SDHA: variants seen among roughly 807,000 people sequenced by gnomAD.
SDHA encodes succinate dehydrogenase complex flavoprotein subunit A, also known as succinate dehydrogenase [ubiquinone] flavoprotein subunit, mitochondrial.
A neutral mutation model predicts 78.4 loss-of-function variants in SDHA; 48 were observed. The ratio of observed to expected loss-of-function variants is 0.61; its 90% CI spans 0.49 to 0.78. The LOEUF is 0.78. Ranked by LOEUF, SDHA falls within the 30% of genes least tolerant of loss-of-function variation. The pLI is 0.00. For synonymous variants in SDHA, 326 were observed against 353.9 expected (o/e 0.92, Z 0.88); for missense variants, 680 against 892.7 (o/e 0.76, Z 3.04).
At chr5:243,961 G>C (rs1449049075) in intron 11 of SDHA, among the ~76,000 whole-genome samples, 1 of 152,210 alleles carries the variant, frequency 6.6e-6, no homozygotes, top group South Asian at 2.1e-4. Flanking sequence ...ATCAGTGAGT[G>C]AGGGTGCCAG....
In SDHA at chr5:225,983, C is replaced by T. The variant is rs2126550013; in HGVS notation, c.557C>T (p.Ala186Val). 1 of 1,614,082 alleles carries T rather than the reference C, an allele frequency of 6.2e-7. No homozygotes were observed. The highest frequency in any genetic ancestry group is 1.7e-5 in the Admixed American group (1 of 60,020). ...QSLKFGKGGQAHRCCCVADRT... is the reference protein window; with the variant it reads ...QSLKFGKGGQVHRCCCVADRT... ...CTCAAGTTTGGAAAGGGCGGGCAGG[C>T]CCATCGGTGCTGCTGTGTGGCTGAT... Residue 186 changes from alanine (A) to valine (V), a missense_variant, in exon 5 of 15, where the codon GCC becomes GTC. By Grantham distance (64) the Ala-to-Val change is moderately conservative. Coordinates refer to ENST00000264932, the MANE Select transcript of SDHA (RefSeq NM_004168.4).
At chr5:257,531 A>G (rs1445749490), downstream of SDHA, among the ~76,000 whole-genome samples, 6 of 130,744 alleles carry the variant, frequency 4.6e-5, 1 homozygote, top group Non-Finnish European at 9.6e-5. Context: ...TTGGAGCATT[A>G]CTGTGTGAGC....
At chr5:223,809 C>G (rs1336025063) in intron 2 of SDHA, among the ~76,000 whole-genome samples, 2 of 151,740 alleles carry the variant, frequency 1.3e-5, no homozygotes, top group Non-Finnish European at 2.9e-5. Flanking sequence ...AAATTTAGAT[C>G]AAGTAAAGCA....
At chr5:220,661 A>G (rs1734660554) in intron 1 of SDHA, among the ~76,000 whole-genome samples, 1 of 152,034 alleles carries the variant, frequency 6.6e-6, no homozygotes, top group Non-Finnish European at 1.5e-5. Context: ...GGGCAAGTCC[A>G]GGATCCAGAG....
intron 10 of SDHA, among the ~76,000 whole-genome samples, chr5:239,678 G>A (rs779510627): frequency 7.6e-4 from 116 of 152,212 alleles, no homozygotes; most frequent in Non-Finnish European, 1.4e-3. Flanking sequence ...AAGGGTGGCC[G>A]GCCCCTTGGG....
In SDHA at chr5:256,793, G is replaced by A; in HGVS notation, c.*373G>A. 1 of 268,664 alleles carries A rather than the reference G, an allele frequency of 3.7e-6. No homozygotes were observed. The highest frequency in any genetic ancestry group is 7.1e-6 in the Non-Finnish European group (1 of 140,300). The allele number at this position is 268,664 out of a possible 1,614,324, so 16.6% of individuals were successfully genotyped here. On this transcript the variant is annotated 3_prime_UTR_variant, in exon 15 of 15. Coordinates refer to ENST00000264932, the MANE Select transcript of SDHA (RefSeq NM_004168.4). ...TTGTATTGTGTTACATCAAAATCCA[G>A]ATATTTTGTATAGTTTCTTTTTTCT...
intron 10 of SDHA, among the ~76,000 whole-genome samples, chr5:237,208 A>G (rs1183373648): frequency 7.4e-6 from 1 of 135,266 alleles, no homozygotes; most frequent in Non-Finnish European, 1.5e-5. Flanking sequence ...TAGGGGAATC[A>G]TTACATATTA....
downstream of SDHA, among the ~76,000 whole-genome samples, chr5:260,354 C>A (rs1456568473): frequency 1.3e-4 from 1 of 7,562 alleles, no homozygotes; most frequent in Admixed American, 8.6e-4. Flanking sequence ...ACCGTGTGAG[C>A]TCCGCCTCCC....
chr5:266,671 G>C, the SDHA span, among the ~76,000 whole-genome samples: 3 of 152,188 alleles, frequency 2.0e-5, no homozygotes, highest in South Asian at 6.2e-4. Flanking sequence ...ATATTGCCCA[G>C]AGAGGAGATG....
At position 248,993 on chromosome 5, in the gene SDHA, G is replaced by C. The variant is rs185931346; in HGVS notation, c.1552-1999G>C. On this transcript the variant is annotated intron_variant, in intron 11 of 14. Transcript: ENST00000264932. ...ATAGCTCTTAATAAGATCAAAATTT[G>C]GGAAAGAATAAAAAAGCATCTAGAA... 2.1e-5 allele frequency: 8 copies of C among 389,214 alleles called. No homozygotes were observed. In the Admixed American group the frequency reaches 2.2e-4, roughly 11 times the overall value. 24.1% of individuals were successfully genotyped at this position (389,214 alleles called of 1,614,324 possible).
chr5:236,835 A>G (rs538135623), intron 10 of SDHA, among the ~76,000 whole-genome samples: 10 of 151,894 alleles, frequency 6.6e-5, no homozygotes, highest in African/African-American at 2.4e-4. Context: ...TTTATTTTGT[A>G]GAGACAGGGT....
In SDHA at chr5:228,224, G is replaced by C; in HGVS notation, c.661G>C (p.Ala221Pro). ...TACCAGCTATTTTGTGGAGTATTTT[G>C]CCTTGGATCTCCTGATGGAGAATGG... The part of the protein sequence containing the change: ...YDTSYFVEYF[A>P]LDLLMENGEC... The change falls in exon 6 of 15, where the codon GCC becomes CCC. Residue 221 changes from alanine (A) to proline (P), a missense_variant. Coordinates refer to ENST00000264932, the MANE Select transcript of SDHA (RefSeq NM_004168.4). 1 of 1,613,368 alleles carries C rather than the reference G, an allele frequency of 6.2e-7. No homozygotes were observed. The highest frequency in any genetic ancestry group is 8.5e-7 in the Non-Finnish European group (1 of 1,179,740).
intron 9 of SDHA, 45 bp from the exon 10 acceptor site, chr5:236,383 G>C (rs776033086): frequency 4.4e-6 from 7 of 1,598,342 alleles, no homozygotes; most frequent in Non-Finnish European, 5.1e-6. Context: ...GGCTGGTGGA[G>C]GCATGGGCAC....
chr5:223,163 A>T (rs1734813966), intron 1 of SDHA, among the ~76,000 whole-genome samples: 1 of 152,250 alleles, frequency 6.6e-6, no homozygotes, highest in Non-Finnish European at 1.5e-5. Flanking sequence ...TAAGTAGCAT[A>T]CATTAAGACT....
At chr5:254,040 CAAA>C (rs1164355772) in intron 13 of SDHA, among the ~76,000 whole-genome samples, 1 of 147,678 alleles carries the variant, frequency 6.8e-6, no homozygotes, top group Non-Finnish European at 1.5e-5. Flanking sequence ...GACCCTGTCT[CAAA>C]AAAAAAATTT....
intron 6 of SDHA, among the ~76,000 whole-genome samples, chr5:228,910 C>CTACTAAACCCTACTAAAAAACA: frequency 6.6e-6 from 1 of 151,756 alleles, no homozygotes; most frequent in East Asian, 1.9e-4. Flanking sequence ...TAAAAACAAC[C>CTACTAAACCCTACTAAAAAACA]TACTAAACCC....
At chr5:230,196 T>C (rs987150616) in intron 6 of SDHA, among the ~76,000 whole-genome samples, 1 of 137,990 alleles carries the variant, frequency 7.2e-6, no homozygotes, top group African/African-American at 3.4e-5. Context: ...ACCATAAATA[T>C]ATAGTTTTTT....
chr5:240,975 G>T (rs983117066), intron 11 of SDHA, among the ~76,000 whole-genome samples: 1 of 151,914 alleles, frequency 6.6e-6, no homozygotes, highest in Admixed American at 6.5e-5. Context: ...CTAGTGCTGC[G>T]ATAAATACAT....
At chr5:220,286 G>A (rs1187709552) in intron 1 of SDHA, 1 of 452,378 alleles carries the variant, frequency 2.2e-6, no homozygotes, top group Non-Finnish European at 4.4e-6. Flanking sequence ...TTAATCAGAG[G>A]AAAAAGAAAA....
Sources: gnomAD v4.1 joint callset for allele counts (sites outside exome capture counted in the v4.1 genomes callset) on GRCh38, gnomAD v4.1.1 for gene constraint, MANE v1.5 for transcripts, NCBI Gene and HGNC (gene_info 2026-07-23, HGNC 2026-07-21) for gene names.